Variants in NFX1 observed in about 807,000 individuals in gnomAD.
NFX1 encodes nuclear transcription factor, X-box binding 1.
A neutral mutation model predicts 137.2 loss-of-function variants in NFX1; 69 were observed. The ratio of observed to expected loss-of-function variants is 0.50; its 90% confidence interval spans 0.41 to 0.61. The LOEUF is 0.61. NFX1 is among the 20% of genes least tolerant of loss of function. The pLI is 0.00. For synonymous variants in NFX1, 495 were observed against 474.1 expected (o/e 1.04, Z -0.57); for missense variants, 1,167 against 1,391.0 (o/e 0.84, Z 2.56).
chr9:33,335,999 G>A (rs1168259758), intron 11 of NFX1, among the ~76,000 whole-genome samples: 1 of 152,068 alleles, frequency 6.6e-6, no homozygotes, highest in Non-Finnish European at 1.5e-5. Context: ...ATGAACATTT[G>A]TATACAAGTT....
In NFX1 at chr9:33,295,420, G is replaced by A. The variant is rs771370492; in HGVS notation, c.1026G>A (p.Thr342=). 6.2e-6 allele frequency: 10 copies of A among 1,610,978 alleles called. No individual in the cohort carries two copies. Among genetic ancestry groups the A allele is most frequent in the Middle Eastern group, 1.6e-4 (1 of 6,074 alleles). ...KQNHVLKNVE[T]HTGSLIEQLT... is the part of the protein sequence containing the mutation. ...ACCATGTGCTAAAGAATGTGGAAAC[G>A]CACACAGGTAAACCTACCTAGATAG... The change falls in exon 2 of 24, where the codon ACG becomes ACA. Residue 342 remains threonine, a synonymous_variant. Coordinates refer to ENST00000379540, the MANE Select transcript of NFX1 (RefSeq NM_002504.6).
chr9:33,353,100 G>A (rs561415636), intron 17 of NFX1, among the ~76,000 whole-genome samples: 1 of 152,308 alleles, frequency 6.6e-6, no homozygotes, highest in East Asian at 1.9e-4. Flanking sequence ...AAGAAACAGT[G>A]CTGCTTTATA....
At chr9:33,357,065 A>C (rs1823835580) in intron 19 of NFX1, among the ~76,000 whole-genome samples, 1 of 151,544 alleles carries the variant, frequency 6.6e-6, no homozygotes, top group Non-Finnish European at 1.5e-5. Flanking sequence ...TAATCCCAGC[A>C]CTTTGGGAGG....
intron 5 of NFX1, among the ~76,000 whole-genome samples, chr9:33,308,685 G>T (rs920844628): frequency 6.6e-6 from 1 of 152,128 alleles, no homozygotes; most frequent in Non-Finnish European, 1.5e-5. Context: ...CACTTATAGG[G>T]TTCTATGAAA....
chr9:33,321,512 T>C lies in NFX1; in HGVS notation c.1906+2385T>C, dbSNP rs902845282. On this transcript the variant is annotated intron_variant, in intron 9 of 23. Transcript: ENST00000379540. ...ACTGGATAGAGTTCTACTTTAAAGA[T>C]GGTAGCATGAAGAGCTCCCATAGAT... Among the ~76,000 whole-genome samples, 5 of 152,070 alleles carry C rather than the reference T, an allele frequency of 3.3e-5. No individual in the cohort carries two copies. In the East Asian group the frequency reaches 9.6e-4, roughly 29 times the overall value.
intron 5 of NFX1, among the ~76,000 whole-genome samples, chr9:33,309,581 C>T (rs1198970312): frequency 2.0e-5 from 3 of 152,206 alleles, no homozygotes; most frequent in Admixed American, 6.5e-5. Context: ...CCCAGTAGCA[C>T]TTTTCTGGTC....
intron 19 of NFX1, among the ~76,000 whole-genome samples, chr9:33,358,889 G>A (rs912619607): frequency 1.3e-5 from 2 of 150,888 alleles, no homozygotes; most frequent in Non-Finnish European, 2.9e-5. Flanking sequence ...GGTAGAGATG[G>A]CATCTCGCTA....
At chr9:33,333,294 A>G (rs1405074652) in intron 11 of NFX1, among the ~76,000 whole-genome samples, 3 of 152,262 alleles carry the variant, frequency 2.0e-5, no homozygotes, top group Admixed American at 6.5e-5. Flanking sequence ...TTCTGGATGC[A>G]GGTAACAAAA....
In NFX1 at chr9:33,352,462, C is replaced by A. The variant is rs559177632; in HGVS notation, c.2656-184C>A. On this transcript the variant is annotated intron_variant, in intron 16 of 23. Transcript: ENST00000379540. ...AGGGGGCATTGTGGACGGGGCAATT[C>A]TTTCCTAGCATGTCAACAACTGTGT... 32 of 691,334 alleles carry A rather than the reference C, an allele frequency of 4.6e-5. No individual in the cohort carries two copies. The East Asian group carries it at 8.6e-4, about 19-fold the overall frequency. The allele number at this position is 691,334 out of a possible 1,614,324, so 42.8% of individuals were successfully genotyped here. A position where few individuals can be genotyped will look rare whatever the true frequency, so the allele number is the denominator to read the frequency against.
intron 15 of NFX1, 148 bp from the exon 16 acceptor site, chr9:33,351,412 C>T (rs555913738): frequency 7.0e-5 from 51 of 726,992 alleles, no homozygotes; most frequent in Non-Finnish European, 1.0e-4. Context: ...CACTGTTGCA[C>T]TCCAGCCTGG....
chr9:33,307,722 A>C lies in NFX1; in HGVS notation c.1376+423A>C, dbSNP rs187016901. Among the ~76,000 whole-genome samples, 40 of 152,204 alleles carry C rather than the reference A, an allele frequency of 2.6e-4. No individual in the cohort carries two copies. The East Asian group carries it at 6.6e-3, about 25-fold the overall frequency. On this transcript the variant is annotated intron_variant, in intron 5 of 23. Transcript: ENST00000379540. ...GGGAGAACCTTCTGTCTGGGGAAAG[A>C]CAATTGTTTAGGGTCCCGGTCGGAC...
Position 33,367,544 on chromosome 9 carries a change from T to A in NFX1, c.3215T>A (p.Leu1072Gln), listed in dbSNP as rs754656061. The A allele has an allele frequency of 3.7e-6, 6 of 1,613,864 alleles. No homozygotes were observed. The highest frequency in any genetic ancestry group is 4.2e-6 in the Non-Finnish European group (5 of 1,179,894). The change falls in exon 23 of 24, where the codon CTG becomes CAG. Residue 1072 changes from leucine to glutamine, a missense_variant. Leu to Gln is a moderately radical substitution (Grantham distance 113). Coordinates refer to ENST00000379540, the MANE Select transcript of NFX1 (RefSeq NM_002504.6). ...AAGTCCGTTTGTCCTCCTACCACGC[T>A]GACAGGTGTGCTTGAAAGGGAAATG... The part of the protein sequence containing the change: ...RGKSVCPPTT[L>Q]TGVLEREMQA...
intron 11 of NFX1, among the ~76,000 whole-genome samples, chr9:33,336,193 A>G (rs1328218103): frequency 6.6e-6 from 1 of 151,904 alleles, no homozygotes; most frequent in African/African-American, 2.4e-5. Context: ...ATCCTTGCCA[A>G]TACTTGTTAT....
chr9:33,291,292 C>T (rs1445007675), intron 1 of NFX1, among the ~76,000 whole-genome samples: 3 of 152,200 alleles, frequency 2.0e-5, no homozygotes, highest in African/African-American at 7.2e-5. Flanking sequence ...TGCATCGCGA[C>T]CTTAAATATT....
intron 9 of NFX1, among the ~76,000 whole-genome samples, chr9:33,325,069 T>C (rs934989399): frequency 2.7e-5 from 4 of 150,264 alleles, no homozygotes; most frequent in African/African-American, 4.9e-5. Flanking sequence ...AGGAGGAGAG[T>C]AGAAAGAAGT....
Position 33,354,133 on chromosome 9 carries a change from G to C in NFX1, c.2777G>C (p.Gly926Ala). The C allele has an allele frequency of 1.9e-6, 3 of 1,613,418 alleles. No individual in the cohort carries two copies. In the South Asian group the frequency reaches 3.3e-5, roughly 18 times the overall value. Residue 926 changes from glycine (G) to alanine (A), a missense_variant, in exon 18 of 24, where the codon GGA (glycine) becomes GCA (alanine). Coordinates refer to ENST00000379540, the MANE Select transcript of NFX1 (RefSeq NM_002504.6). ...TCTAAGATAACAGACATGCAGCTTG[G>C]AGGTTCAGTGGAGATCAGCAAGTTA... The part of the protein sequence containing the change: ...MASKITDMQL[G>A]GSVEISKLIT...
intron 12 of NFX1, 123 bp downstream of exon 12, chr9:33,338,712 A>C (rs1823106339): frequency 1.3e-6 from 1 of 794,446 alleles, no homozygotes; most frequent in African/African-American, 1.8e-5. Context: ...CCTAAGCAGC[A>C]GTCAGAGAGC....
At chr9:33,335,417 G>T (rs1378043001) in intron 11 of NFX1, among the ~76,000 whole-genome samples, 2 of 151,742 alleles carry the variant, frequency 1.3e-5, no homozygotes, top group African/African-American at 4.8e-5. Flanking sequence ...ATTTTTAGTA[G>T]AGACGGGGTT....
chr9:33,344,037 G>A, intron 13 of NFX1, 32 bp from the exon 14 acceptor site: 6 of 1,613,118 alleles, frequency 3.7e-6, no homozygotes, highest in Non-Finnish European at 5.1e-6. Flanking sequence ...AACTCAGAAA[G>A]GATTCTTTTG....
Sources: allele counts gnomAD v4.1 joint callset (sites outside exome capture counted in the v4.1 genomes callset), GRCh38; gene constraint gnomAD v4.1.1; transcripts MANE v1.5; gene names NCBI Gene and HGNC (gene_info 2026-07-23, HGNC 2026-07-21).